Variants in CSNK1E observed in about 807,000 individuals in gnomAD.
CSNK1E encodes the protein casein kinase I isoform epsilon.
In CSNK1E, 17 loss-of-function variants were observed where a neutral mutation model predicts 46.1. The observed-to-expected ratio is 0.37, with a 90% CI of 0.25 to 0.55. The LOEUF (loss-of-function observed/expected upper bound fraction) is 0.55. Among genes scored for constraint, CSNK1E ranks in the 20% least tolerant of loss-of-function variants. CSNK1E has a pLI of 0.82. For synonymous variants in CSNK1E, 241 were observed against 242.6 expected (o/e 0.99, Z 0.06); for missense variants, 386 against 595.4 (o/e 0.65, Z 3.66).
rs5757034 is a variant in CSNK1E, at chr22:38,314,459, G to A, written c.-12-290C>T. Among the ~76,000 whole-genome samples the A allele has an allele frequency of 8.5e-5, 13 of 152,286 alleles. No homozygotes were observed. The East Asian group carries it at 2.5e-3, about 29-fold the overall frequency. ...AAGAAGCTTCTCAAGGGATCACAACGGGCATCAGCCCTCTTACACCTCCTA... is the reference window on the plus strand; with the variant it reads ...AAGAAGCTTCTCAAGGGATCACAACAGGCATCAGCCCTCTTACACCTCCTA... On this transcript the variant is annotated intron_variant, in intron 1 of 10. Transcript: ENST00000396832.
At chr22:38,293,615 G>A (rs2092623583) in intron 9 of CSNK1E, among the ~76,000 whole-genome samples, 1 of 152,108 alleles carries the variant, frequency 6.6e-6, no homozygotes, top group Non-Finnish European at 1.5e-5. Flanking sequence ...CCACAGGCAG[G>A]AGGACGAGGG....
At chr22:38,308,418 G>T (rs997964365) in intron 2 of CSNK1E, among the ~76,000 whole-genome samples, 1 of 152,176 alleles carries the variant, frequency 6.6e-6, no homozygotes, top group East Asian at 1.9e-4. Flanking sequence ...GAGCAGAGAG[G>T]CAGGAGAGTG....
At chr22:38,313,730 ACCAATAT>A (rs1474878346) in intron 2 of CSNK1E, among the ~76,000 whole-genome samples, 1 of 152,116 alleles carries the variant, frequency 6.6e-6, no homozygotes, top group East Asian at 1.9e-4. Flanking sequence ...CCTTCTATCT[ACCAATAT>A]CCTTCTCCCA....
rs2092656077 is a variant in CSNK1E at position 38,298,905 on chromosome 22, G to A, written c.766C>T (p.Arg256Cys). ...SEFSTYLNFC[R>C]SLRFDDKPDY... ...GGCTTGTCGTCAAACCGCAGGGAGC[G>A]GCAGAAGTTGAGGTATGTTGAGAAT... Residue 256 changes from arginine to cysteine, a missense_variant, in exon 7 of 11, where the codon CGC becomes TGC. This residue lies in a region of CSNK1E where 212 missense variants were observed against 410.2 expected (regional missense o/e 0.52). Coordinates refer to ENST00000396832, the MANE Select transcript of CSNK1E (RefSeq NM_152221.3). This position sits in a 1 kb window ranked among gnomAD's most constrained non-coding sequence, Gnocchi z 4.2. 4 of 1,614,134 alleles carry A rather than the reference G, an allele frequency of 2.5e-6. No homozygotes were observed. The highest frequency in any genetic ancestry group is 3.4e-6 in the Non-Finnish European group (4 of 1,180,014).
Position 38,303,010 on chromosome 22 carries a change from C to T in CSNK1E, c.188-1G>A. ...CACCACTTGATGGACGGGATCCCCA[C>T]TGGGGGTCAAGCAGAGGGCCTCTGT... On this transcript the variant is annotated splice_acceptor_variant, in intron 3 of 10. Coordinates refer to ENST00000396832, the MANE Select transcript of CSNK1E (RefSeq NM_152221.3). LOFTEE classifies it high-confidence loss of function. The surrounding 1 kb of genome is among the most constrained non-coding windows in gnomAD (Gnocchi z 4.7). The T allele has an allele frequency of 6.2e-7, 1 of 1,613,310 alleles. No homozygotes were observed.
In CSNK1E at chr22:38,309,836, G is replaced by A. The variant is rs772677857; in HGVS notation, c.76+4246C>T. On this transcript the variant is annotated intron_variant, in intron 2 of 10. Transcript: ENST00000396832. This position sits in a 1 kb window ranked among gnomAD's most constrained non-coding sequence, Gnocchi z 4.8. ...ATATGCTACAAACTTCCCAGGGACA[G>A]GGACCCAAGCTGCTAGGCAAAGCCT... is the stretch of plus-strand genomic sequence containing the variant. Among the ~76,000 whole-genome samples the A allele has an allele frequency of 2.0e-5, 3 of 152,214 alleles. No homozygotes were observed. The highest frequency in any genetic ancestry group is 4.4e-5 in the Non-Finnish European group (3 of 68,042).
At chr22:38,311,781 C>T (rs964321037) in intron 2 of CSNK1E, among the ~76,000 whole-genome samples, 1 of 151,980 alleles carries the variant, frequency 6.6e-6, no homozygotes, top group Non-Finnish European at 1.5e-5. Context: ...TGGACTGGCC[C>T]CCACATCTCA....
In CSNK1E at chr22:38,298,305, A is replaced by T. The variant is rs1336682106; in HGVS notation, c.885+481T>A. 2 of 839,698 alleles carry T rather than the reference A, an allele frequency of 2.4e-6. No individual in the cohort carries two copies. The highest frequency in any genetic ancestry group is 3.3e-6 in the Non-Finnish European group (2 of 612,464). 52.0% of individuals were successfully genotyped at this position (839,698 alleles called of 1,614,324 possible). A position where few individuals can be genotyped will look rare whatever the true frequency, so the allele number is the denominator to read the frequency against. ...CTCCCCACCCAACCCCACCCCTGGGACTCTTAAAAGAGGGAAACAGAACAA... is the reference window on the plus strand; with the variant it reads ...CTCCCCACCCAACCCCACCCCTGGGTCTCTTAAAAGAGGGAAACAGAACAA... On this transcript the variant is annotated intron_variant, in intron 7 of 10. Transcript: ENST00000396832. This position sits in a 1 kb window ranked among gnomAD's most constrained non-coding sequence, Gnocchi z 4.2.
Position 38,303,108 on chromosome 22 carries a change from G to T in CSNK1E, c.187+30C>A, listed in dbSNP as rs535054889. 52 of 903,172 alleles carry T rather than the reference G, an allele frequency of 5.8e-5. No individual in the cohort carries two copies. The highest frequency in any genetic ancestry group is 5.7e-4 in the African/African-American group (34 of 60,092). The allele number at this position is 903,172 out of a possible 1,614,324, so 55.9% of individuals were successfully genotyped here. A position where few individuals can be genotyped will look rare whatever the true frequency, so the allele number is the denominator to read the frequency against. On this transcript the variant is annotated intron_variant, in intron 3 of 10. Transcript: ENST00000396832. This position sits in a 1 kb window ranked among gnomAD's most constrained non-coding sequence, Gnocchi z 4.7. ...CATGGCTGCCCACCGCCACCCACCCGGCGCCCGCCGCCGCCCACCCTGCGC... is the reference window on the plus strand; with the variant it reads ...CATGGCTGCCCACCGCCACCCACCCTGCGCCCGCCGCCGCCCACCCTGCGC...
Position 38,300,950 on chromosome 22 carries a change from G to A in CSNK1E, c.339C>T (p.Ile113=). 1 of 1,613,830 alleles carries A rather than the reference G, an allele frequency of 6.2e-7. No homozygotes were observed. Reference sequence around the variant, plus strand: ...TGGAGTGGATATACTCGATGCGGCTGATCTGGGGAGGAGGGGGGCCATTTG... The same window carrying A: ...TGGAGTGGATATACTCGATGCGGCTAATCTGGGGAGGAGGGGGGCCATTTG... ...KTVLLLADQM[I]SRIEYIHSKN... is the part of the protein sequence containing the mutation. The change falls in exon 5 of 11, where the codon ATC becomes ATT. Residue 113 remains isoleucine (I), a splice_region_variant and synonymous_variant. Coordinates refer to ENST00000396832, the MANE Select transcript of CSNK1E (RefSeq NM_152221.3). The surrounding 1 kb of genome is among the most constrained non-coding windows in gnomAD (Gnocchi z 4.4).
At position 38,299,022 on chromosome 22, in the gene CSNK1E, T is replaced by C. The variant is rs530383866; in HGVS notation, c.737-88A>G. The C allele has an allele frequency of 4.9e-6, 7 of 1,431,542 alleles. No homozygotes were observed. In the African/African-American group the frequency reaches 5.6e-5, roughly 11 times the overall value. 88.7% of individuals were successfully genotyped at this position (1,431,542 alleles called of 1,614,324 possible). A position where few individuals can be genotyped will look rare whatever the true frequency, so the allele number is the denominator to read the frequency against. ...AGCCAGCACTGTCCTAGCCACCCAC[T>C]GTCCCTAGATACTTCCAATCTGTGA... On this transcript the variant is annotated intron_variant, in intron 6 of 10. Transcript: ENST00000396832.
In CSNK1E at chr22:38,294,052, TG is replaced by T. The variant is rs919512080; in HGVS notation, c.1218+56del. The T allele has an allele frequency of 1.3e-6, 2 of 1,574,612 alleles. No homozygotes were observed. Among genetic ancestry groups the T allele is most frequent in the African/African-American group, 1.3e-5 (1 of 74,538 alleles). On this transcript the variant is annotated intron_variant, in intron 9 of 10. Coordinates refer to ENST00000396832, the MANE Select transcript of CSNK1E (RefSeq NM_152221.3). This position sits in a 1 kb window ranked among gnomAD's most constrained non-coding sequence, Gnocchi z 5.5. ...ACAGAGCCACGGCCTGACCTCCCAC[TG>T]GGGGGTCTCTAACTCAGTTCTGAGG...
chr22:38,294,256 G>T lies in CSNK1E; in HGVS notation c.1079-8C>A, dbSNP rs368463837. 2.6e-4 allele frequency: 411 copies of T among 1,610,816 alleles called. No homozygotes were observed. In the African/African-American group the frequency reaches 5.0e-3, roughly 19 times the overall value. On this transcript the variant is annotated splice_region_variant and splice_polypyrimidine_tract_variant and intron_variant, in intron 8 of 10. Coordinates refer to ENST00000396832, the MANE Select transcript of CSNK1E (RefSeq NM_152221.3). The surrounding 1 kb of genome is among the most constrained non-coding windows in gnomAD (Gnocchi z 5.5). ...CTCTGGGAGAAGTATTGCCTGGAGG[G>T]AGAGTGGGAAGCCACCCTCAGAGTA...
intron 1 of CSNK1E, among the ~76,000 whole-genome samples, chr22:38,316,414 A>T (rs1430352980): frequency 6.6e-6 from 1 of 152,204 alleles, no homozygotes; most frequent in Admixed American, 6.5e-5. Flanking sequence ...CTATGCCAGG[A>T]AGAAAATATG....
Position 38,294,871 on chromosome 22 carries a change from T to C in CSNK1E, c.886-337A>G, listed in dbSNP as rs1300974572. ...GGCCCTCCTGACCTGGGGCTGGGCC[T>C]GCCCTGGCCCCCCTCTGTGTACCAA... On this transcript the variant is annotated intron_variant, in intron 7 of 10. Coordinates refer to ENST00000396832, the MANE Select transcript of CSNK1E (RefSeq NM_152221.3). This position sits in a 1 kb window ranked among gnomAD's most constrained non-coding sequence, Gnocchi z 5.5. Among the ~76,000 whole-genome samples the C allele has an allele frequency of 6.6e-6, 1 of 152,162 alleles. No homozygotes were observed. The highest frequency in any genetic ancestry group is 2.4e-5 in the African/African-American group (1 of 41,442).
chr22:38,306,468 C>T (rs2092699057), intron 2 of CSNK1E, among the ~76,000 whole-genome samples: 1 of 152,212 alleles, frequency 6.6e-6, no homozygotes, highest in Admixed American at 6.5e-5. Context: ...CGCGGTGGCT[C>T]ACGCCTGTAA....
Position 38,301,348 on chromosome 22 carries a change from A to G in CSNK1E, c.337-396T>C, listed in dbSNP as rs139272678. Among the ~76,000 whole-genome samples, 47 of 152,302 alleles carry G rather than the reference A, an allele frequency of 3.1e-4. 1 individual carries two copies. Among genetic ancestry groups the G allele is most frequent in the African/African-American group, 1.1e-3 (46 of 41,568 alleles). On this transcript the variant is annotated intron_variant, in intron 4 of 10. Coordinates refer to ENST00000396832, the MANE Select transcript of CSNK1E (RefSeq NM_152221.3). ...GGCAGGGAACATGGGGGAAGCCTAG[A>G]CCAGGAAGAGGTGACAGAGGCAGAA...
rs1000826015 is a variant in CSNK1E at position 38,300,962 on chromosome 22, A to T, written c.337-10T>A. On this transcript the variant is annotated splice_polypyrimidine_tract_variant and intron_variant, in intron 4 of 10. Transcript: ENST00000396832. The surrounding 1 kb of genome is among the most constrained non-coding windows in gnomAD (Gnocchi z 4.4). Reference sequence around the variant, plus strand: ...ACTCGATGCGGCTGATCTGGGGAGGAGGGGGGCCATTTGTTCAACAGAGGG... The same window carrying T: ...ACTCGATGCGGCTGATCTGGGGAGGTGGGGGGCCATTTGTTCAACAGAGGG... The T allele has an allele frequency of 1.0e-5, 16 of 1,607,334 alleles. No individual in the cohort carries two copies. Among genetic ancestry groups the T allele is most frequent in the Non-Finnish European group, 1.4e-5 (16 of 1,174,626 alleles).
chr22:38,291,932 G>A lies in CSNK1E; in HGVS notation c.*39C>T, dbSNP rs1464362225. ...TTTTTTTTTTTAAAGAAAATACAGT[G>A]AAGACACTAGAAGGGAGAAGGGAAA... On this transcript the variant is annotated 3_prime_UTR_variant, in exon 11 of 11. Coordinates refer to ENST00000396832, the MANE Select transcript of CSNK1E (RefSeq NM_152221.3). The A allele has an allele frequency of 7.8e-6, 1 of 128,238 alleles. No homozygotes were observed. The highest frequency in any genetic ancestry group is 8.3e-5 in the Admixed American group (1 of 11,980). 7.9% of individuals were successfully genotyped at this position (128,238 alleles called of 1,614,324 possible).
Sources: allele counts gnomAD v4.1 joint callset (sites outside exome capture counted in the v4.1 genomes callset), GRCh38; gene constraint gnomAD v4.1.1; regional missense constraint gnomAD v4.1.1; non-coding constraint Gnocchi (gnomAD v3.1); transcripts MANE v1.5; gene names NCBI Gene and HGNC (gene_info 2026-07-23, HGNC 2026-07-21).